The following CHD7 variants were observed in gnomAD, a reference collection of about 807,000 sequenced individuals.
CHD7 encodes ATP-dependent chromatin remodeler CHD7.
A neutral mutation model predicts 307.3 loss-of-function variants in CHD7; 24 were observed. The ratio of observed to expected loss-of-function variants is 0.08; its 90% CI spans 0.06 to 0.11. CHD7 has a LOEUF of 0.11. Among genes scored for constraint, CHD7 ranks in the 10% least tolerant of loss-of-function variants. The pLI is 1.00. For missense variants in CHD7, 3,106 were observed against 3,727.1 expected (o/e 0.83, Z 4.34); for synonymous variants, 1,363 against 1,349.9 (o/e 1.01, Z -0.21).
At position 60,866,855 on chromosome 8, in the gene CHD7, C is replaced by G. The variant is rs1041699134; in HGVS notation, c.*922C>G. 2 of 152,544 alleles carry G rather than the reference C, an allele frequency of 1.3e-5. No homozygotes were observed. The highest frequency in any genetic ancestry group is 4.8e-5 in the African/African-American group (2 of 41,412). The allele number at this position is 152,544 out of a possible 1,614,324, so 9.4% of individuals were successfully genotyped here. On this transcript the variant is annotated 3_prime_UTR_variant, in exon 38 of 38. Coordinates refer to ENST00000423902, the MANE Select transcript of CHD7 (RefSeq NM_017780.4). ...AAGATAAAATGTAAATTGCTGCCAACTGTAGTAATGATGCTTTTAATAAAA... is the reference window on the plus strand; with the variant it reads ...AAGATAAAATGTAAATTGCTGCCAAGTGTAGTAATGATGCTTTTAATAAAA...
intron 1 of CHD7, among the ~76,000 whole-genome samples, chr8:60,720,434 CACCA>C (rs1195665738): frequency 6.6e-6 from 1 of 152,154 alleles, no homozygotes; most frequent in Admixed American, 6.5e-5. Context: ...TTTGTGCACT[CACCA>C]ACTGTGGACC....
chr8:60,827,837 C>T (rs1195910634), intron 13 of CHD7, among the ~76,000 whole-genome samples: 1 of 151,788 alleles, frequency 6.6e-6, no homozygotes, highest in African/African-American at 2.4e-5. Flanking sequence ...ATATTGCTTT[C>T]TCAACTACTG....
intron 2 of CHD7, among the ~76,000 whole-genome samples, chr8:60,769,681 A>C (rs895396748): frequency 3.9e-5 from 6 of 152,236 alleles, no homozygotes; most frequent in African/African-American, 1.4e-4. Context: ...TTTTAACTAC[A>C]TTTAATTGAC....
chr8:60,736,214 A>T (rs17292465), intron 1 of CHD7, among the ~76,000 whole-genome samples: 7,234 of 152,166 alleles, frequency 0.048, 237 homozygotes, highest in Non-Finnish European at 0.067. Context: ...GGTTCTTGTC[A>T]GTTGGATAGA....
At chr8:60,761,324 A>G (rs1810190167) in intron 2 of CHD7, among the ~76,000 whole-genome samples, 1 of 121,758 alleles carries the variant, frequency 8.2e-6, no homozygotes, top group East Asian at 2.4e-4. Flanking sequence ...GGGGAACATC[A>G]CACTCTGGGG....
chr8:60,853,562 T>G, intron 31 of CHD7, 62 bp downstream of exon 31: 1 of 1,340,296 alleles, frequency 7.5e-7, no homozygotes, highest in East Asian at 2.4e-5. Context: ...GATGCGTTGC[T>G]TTCTGGCAGC....
At chr8:60,859,578 G>C (rs1466149868) in intron 34 of CHD7, among the ~76,000 whole-genome samples, 1 of 152,218 alleles carries the variant, frequency 6.6e-6, no homozygotes, top group Non-Finnish European at 1.5e-5. Flanking sequence ...GTGGAGGGAA[G>C]AGGATATGGG....
chr8:60,858,219 G>C (rs140289136), intron 34 of CHD7, among the ~76,000 whole-genome samples: 1 of 152,188 alleles, frequency 6.6e-6, no homozygotes, highest in Admixed American at 6.5e-5. Flanking sequence ...TTGCATCACT[G>C]CACTCCAGCC....
intron 26 of CHD7, 87 bp from the exon 27 acceptor site, chr8:60,850,945 G>T: frequency 1.1e-6 from 1 of 900,286 alleles, no homozygotes; most frequent in Non-Finnish European, 1.7e-6. Context: ...GTAGCACTGG[G>T]CAGATTATTA....
chr8:60,776,866 T>A (rs929885359), intron 2 of CHD7, among the ~76,000 whole-genome samples: 1 of 152,158 alleles, frequency 6.6e-6, no homozygotes, highest in Admixed American at 6.5e-5. Flanking sequence ...AAAATAAAAG[T>A]TAAGAATGTC....
intron 2 of CHD7, among the ~76,000 whole-genome samples, chr8:60,763,325 T>C (rs1466123068): frequency 6.6e-6 from 1 of 152,208 alleles, no homozygotes; most frequent in Non-Finnish European, 1.5e-5. Context: ...TTTGTACTTG[T>C]AGCACATCTC....
intron 4 of CHD7, among the ~76,000 whole-genome samples, chr8:60,796,349 G>T (rs1812034289): frequency 2.0e-5 from 3 of 152,126 alleles, no homozygotes; most frequent in South Asian, 4.1e-4. Context: ...ATTGATTTTT[G>T]TTTTTTTACT....
At chr8:60,778,303 G>C (rs908458973) in intron 2 of CHD7, among the ~76,000 whole-genome samples, 1 of 152,118 alleles carries the variant, frequency 6.6e-6, no homozygotes, top group Non-Finnish European at 1.5e-5. Flanking sequence ...CCCTATTTCA[G>C]ATAGTACCAA....
intron 2 of CHD7, among the ~76,000 whole-genome samples, chr8:60,770,124 A>T (rs1215796924): frequency 6.6e-6 from 1 of 152,236 alleles, no homozygotes; most frequent in Non-Finnish European, 1.5e-5. Flanking sequence ...GCGTACATAC[A>T]CATTGCTTTC....
intron 2 of CHD7, among the ~76,000 whole-genome samples, chr8:60,777,568 G>A (rs1436975512): frequency 6.6e-6 from 1 of 152,186 alleles, no homozygotes; most frequent in Non-Finnish European, 1.5e-5. Flanking sequence ...AAAAGAAGCA[G>A]AGGGATTGCT....
At chr8:60,694,011 G>A (rs986536807) in intron 1 of CHD7, among the ~76,000 whole-genome samples, 2 of 152,226 alleles carry the variant, frequency 1.3e-5, no homozygotes, top group Non-Finnish European at 2.9e-5. Flanking sequence ...ACTCATAAGC[G>A]TGAACTTTTA....
rs748841915 is a variant in CHD7 at position 60,741,942 on chromosome 8, G to A, written c.510G>A (p.Pro170=). 3.2e-5 allele frequency: 51 copies of A among 1,613,244 alleles called. No homozygotes were observed. The highest frequency in any genetic ancestry group is 9.3e-5 in the African/African-American group (7 of 74,888). ...YQQQQPQPQP[P]QPAPSGPPAQ... is the part of the protein sequence containing the mutation. ...AGCAGCAGCCACAGCCGCAGCCACC[G>A]CAGCCGGCTCCGTCGGGGCCCCCTG... is the stretch of plus-strand genomic sequence containing the variant. Residue 170 remains proline, a synonymous_variant, in exon 2 of 38, where the codon CCG becomes CCA. Coordinates refer to ENST00000423902, the MANE Select transcript of CHD7 (RefSeq NM_017780.4).
intron 1 of CHD7, among the ~76,000 whole-genome samples, chr8:60,695,788 T>C (rs1289463057): frequency 3.3e-5 from 5 of 152,212 alleles, no homozygotes; most frequent in Admixed American, 1.3e-4. Context: ...TAAAATGATA[T>C]ACTTCTCCTC....
At chr8:60,788,331 A>T (rs1399096150) in intron 3 of CHD7, among the ~76,000 whole-genome samples, 1 of 151,442 alleles carries the variant, frequency 6.6e-6, no homozygotes, top group Non-Finnish European at 1.5e-5. Flanking sequence ...TATAGAGATG[A>T]GGTTTTGTCG....
Sources: allele counts gnomAD v4.1 joint callset (sites outside exome capture counted in the v4.1 genomes callset), GRCh38; gene constraint gnomAD v4.1.1; transcripts MANE v1.5; gene names NCBI Gene and HGNC (gene_info 2026-07-23, HGNC 2026-07-21).